STIM1: variants seen among roughly 807,000 people sequenced by gnomAD.
STIM1 encodes stromal interaction molecule 1.
Under a neutral mutation model 74.7 loss-of-function variants are expected in STIM1, and 25 were observed. The observed-to-expected ratio is 0.33, with a 90% CI of 0.24 to 0.47. STIM1 has a LOEUF of 0.47. Ranked by LOEUF, STIM1 falls within the 20% of genes least tolerant of loss-of-function variation. The pLI is 1.00. For missense variants in STIM1, 728 were observed against 920.8 expected (o/e 0.79, Z 2.71); for synonymous variants, 328 against 348.8 (o/e 0.94, Z 0.66).
chr11:3,895,702 C>CCTTCTTTCT (rs2092093850), intron 1 of STIM1, among the ~76,000 whole-genome samples: 3 of 29,400 alleles, frequency 1.0e-4, no homozygotes, highest in African/African-American at 2.4e-4. Flanking sequence ...TTCTTTCTTT[C>CCTTCTTTCT]TTTCTTTCTT....
intron 2 of STIM1, among the ~76,000 whole-genome samples, chr11:3,991,450 C>T (rs991746480): frequency 3.3e-5 from 5 of 151,632 alleles, no homozygotes; most frequent in Admixed American, 6.6e-5. Context: ...GTATTACAGG[C>T]GTGAATCACC....
intron 1 of STIM1, among the ~76,000 whole-genome samples, chr11:3,895,948 A>G (rs1244566758): frequency 1.5e-5 from 2 of 136,474 alleles, no homozygotes; most frequent in Non-Finnish European, 3.0e-5. Context: ...TCTGTTGCCC[A>G]GGCTGGAGTG....
At position 3,981,384 on chromosome 11, in the gene STIM1, G is replaced by T. The variant is rs139198580; in HGVS notation, c.270+13702G>T. Among the ~76,000 whole-genome samples the T allele has an allele frequency of 3.8e-3, 584 of 152,140 alleles. 3 individuals carry two copies. Among genetic ancestry groups the T allele is most frequent in the African/African-American group, 0.013 (558 of 41,502 alleles). ...CCTACCAGATTTTGAGTTCCTTTAG[G>T]GGTCATGAACTAGGTTTTATTCATT... is the stretch of plus-strand genomic sequence containing the variant. On this transcript the variant is annotated intron_variant, in intron 2 of 12. Coordinates refer to ENST00000526596, the MANE Select transcript of STIM1 (RefSeq NM_001382567.1).
chr11:3,910,522 G>A (rs2092544279), intron 1 of STIM1, among the ~76,000 whole-genome samples: 1 of 151,996 alleles, frequency 6.6e-6, no homozygotes. Context: ...GAGTTTAGGA[G>A]TTCAAGACCA....
At chr11:3,988,517 C>A (rs2093578851) in intron 2 of STIM1, among the ~76,000 whole-genome samples, 1 of 151,888 alleles carries the variant, frequency 6.6e-6, no homozygotes, top group South Asian at 2.1e-4. Flanking sequence ...GCAAATTGTC[C>A]TTAAGAGGCT....
At chr11:3,955,318 G>A (rs190964044) in intron 1 of STIM1, among the ~76,000 whole-genome samples, 1 of 152,294 alleles carries the variant, frequency 6.6e-6, no homozygotes, top group East Asian at 1.9e-4. Context: ...AGGGATGTAT[G>A]TTTGTCCAAC....
Position 4,074,491 on chromosome 11 carries a change from T to C in STIM1, c.792-11T>C, listed in dbSNP as rs1359035131. ...CCTGGCCTCCTCCAGCTCCCTGCAT[T>C]GCCCCCCCAGGCTGCACAAGGCCCA... is the stretch of plus-strand genomic sequence containing the variant. On this transcript the variant is annotated splice_polypyrimidine_tract_variant and intron_variant, in intron 6 of 12. Coordinates refer to ENST00000526596, the MANE Select transcript of STIM1 (RefSeq NM_001382567.1). The C allele has an allele frequency of 6.2e-7, 1 of 1,613,130 alleles. No individual in the cohort carries two copies. Among genetic ancestry groups the C allele is most frequent in the Non-Finnish European group, 8.5e-7 (1 of 1,179,922 alleles).
In STIM1 at chr11:4,092,985, T is replaced by C. The variant is rs2133271669; in HGVS notation, c.*1187T>C. 6.9e-6 allele frequency: 1 copy of C among 145,584 alleles called. No individual in the cohort carries two copies. Among genetic ancestry groups the C allele is most frequent in the East Asian group, 2.3e-4 (1 of 4,390 alleles). The allele number at this position is 145,584 out of a possible 1,614,324, so 9.0% of individuals were successfully genotyped here. ...TCTAGACAACTCTCTCCCTTACCTG[T>C]TTTTGCTATGGCTGTAAAGGTATTT... is the stretch of plus-strand genomic sequence containing the variant. On this transcript the variant is annotated 3_prime_UTR_variant, in exon 13 of 13. Coordinates refer to ENST00000526596, the MANE Select transcript of STIM1 (RefSeq NM_001382567.1).
At chr11:4,026,000 A>G (rs1385191949) in intron 3 of STIM1, among the ~76,000 whole-genome samples, 1 of 152,156 alleles carries the variant, frequency 6.6e-6, no homozygotes, top group Non-Finnish European at 1.5e-5. Context: ...AAAAGTGAGA[A>G]TTTTTATATG....
chr11:3,936,881 G>A lies in STIM1; in HGVS notation c.140-30671G>A, dbSNP rs1013916568. ...CTTGTTTTTCTTTGTGGCTTCAGAA[G>A]GGGTAATTAGAACCCAATGGGTGGG... On this transcript the variant is annotated intron_variant, in intron 1 of 12. Coordinates refer to ENST00000526596, the MANE Select transcript of STIM1 (RefSeq NM_001382567.1). Among the ~76,000 whole-genome samples, 14 of 152,300 alleles carry A rather than the reference G, an allele frequency of 9.2e-5. 2 individuals carry two copies. The South Asian group carries it at 2.7e-3, about 29-fold the overall frequency.
At chr11:3,942,274 C>T (rs1042877178) in intron 1 of STIM1, among the ~76,000 whole-genome samples, 1 of 152,172 alleles carries the variant, frequency 6.6e-6, no homozygotes, top group Admixed American at 6.5e-5. Flanking sequence ...CACTAATGGC[C>T]ATATAATACC....
chr11:3,901,002 C>T (rs1430753863), intron 1 of STIM1, among the ~76,000 whole-genome samples: 1 of 152,210 alleles, frequency 6.6e-6, no homozygotes, highest in Non-Finnish European at 1.5e-5. Context: ...ACTAGCCTGG[C>T]CAACATGGCG....
At chr11:4,048,655 T>C (rs1289091600) in intron 3 of STIM1, among the ~76,000 whole-genome samples, 3 of 152,174 alleles carry the variant, frequency 2.0e-5, no homozygotes, top group African/African-American at 4.8e-5. Flanking sequence ...TCCTTCATAA[T>C]TGACTTTTAA....
chr11:3,929,467 G>A (rs1285167570), intron 1 of STIM1, among the ~76,000 whole-genome samples: 1 of 152,148 alleles, frequency 6.6e-6, no homozygotes, highest in Admixed American at 6.5e-5. Context: ...CTCTCTCCTG[G>A]TGGAGTGGCT....
At chr11:3,975,964 A>G (rs2093444061) in intron 2 of STIM1, among the ~76,000 whole-genome samples, 2 of 152,240 alleles carry the variant, frequency 1.3e-5, no homozygotes, top group Non-Finnish European at 2.9e-5. Flanking sequence ...TGTCCCAGCA[A>G]TTCTTCCTCT....
Position 4,005,282 on chromosome 11 carries a change from G to C in STIM1, c.271-18591G>C, listed in dbSNP as rs184637821. 1.3e-3 allele frequency among the ~76,000 whole-genome samples: 191 copies of C among 152,180 alleles called. 1 individual carries two copies. Among genetic ancestry groups the C allele is most frequent in the African/African-American group, 4.4e-3 (181 of 41,514 alleles). On this transcript the variant is annotated intron_variant, in intron 2 of 12. Transcript: ENST00000526596. Reference sequence around the variant, plus strand: ...CATGCTGCTATAAAGACACATGCACGCGTATGTTTATTGTGGCAGTATTCA... The same window carrying C: ...CATGCTGCTATAAAGACACATGCACCCGTATGTTTATTGTGGCAGTATTCA...
chr11:3,893,651 A>AT (rs71466135), intron 1 of STIM1, among the ~76,000 whole-genome samples: 38,557 of 143,924 alleles, frequency 0.27, 5,651 homozygotes, highest in South Asian at 0.41. Flanking sequence ...CTGGGTCAAC[A>AT]TTTTTTTTTT....
intron 2 of STIM1, among the ~76,000 whole-genome samples, chr11:3,990,962 C>T (rs895487695): frequency 4.6e-5 from 7 of 152,082 alleles, no homozygotes; most frequent in African/African-American, 1.7e-4. Context: ...TTCTCCCTAT[C>T]CCCACTCCTT....
chr11:4,045,907 C>T (rs1028121049), intron 3 of STIM1, among the ~76,000 whole-genome samples: 15 of 150,572 alleles, frequency 1.0e-4, no homozygotes, highest in African/African-American at 3.4e-4. Context: ...GCTGGGATTA[C>T]AGGCACGTGA....
Sources: allele counts gnomAD v4.1 joint callset (sites outside exome capture counted in the v4.1 genomes callset), GRCh38; gene constraint gnomAD v4.1.1; transcripts MANE v1.5; gene names NCBI Gene and HGNC (gene_info 2026-07-23, HGNC 2026-07-21).